Variants in ASAH2 observed in about 807,000 individuals in gnomAD.
The protein encoded by ASAH2 is N-acylsphingosine amidohydrolase 2.
A neutral mutation model predicts 82.9 loss-of-function variants in ASAH2; 58 were observed. The observed-to-expected ratio is 0.70, with a 90% CI of 0.57 to 0.87. ASAH2 has a LOEUF of 0.87. Ranked by LOEUF, ASAH2 falls within the 40% of genes least tolerant of loss-of-function variation. The pLI, the probability that ASAH2 is intolerant of heterozygous loss-of-function variation, is 0.00. For synonymous variants in ASAH2, 276 were observed against 289.7 expected (o/e 0.95, Z 0.48); for missense variants, 779 against 834.0 (o/e 0.93, Z 0.81).
chr10:50,202,823 C>A lies in ASAH2; in HGVS notation c.1761+6G>T. 6.3e-7 allele frequency: 1 copy of A among 1,584,914 alleles called. No individual in the cohort carries two copies. Among genetic ancestry groups the A allele is most frequent in the Admixed American group, 1.7e-5 (1 of 59,818 alleles). On this transcript the variant is annotated splice_donor_region_variant and intron_variant, in intron 16 of 20. Transcript: ENST00000682911. ...TCATTTAAATGATGAAAACGTTTTGCTTTACCTGGTATTCTTCATAAGTGG... is the reference window on the plus strand; with the variant it reads ...TCATTTAAATGATGAAAACGTTTTGATTTACCTGGTATTCTTCATAAGTGG...
rs1171385681 is a variant in ASAH2 at position 50,187,118 on chromosome 10, TCACACACACACACACACA to T, written c.*179_*196del. On this transcript the variant is annotated 3_prime_UTR_variant, in exon 21 of 21. Transcript: ENST00000682911. Reference sequence around the variant, plus strand: ...CTCTCTCTCTCTCTCTCTCTCTCTCTCACACACACACACACACACACACACACACACACACACACACAC... The same window carrying T: ...CTCTCTCTCTCTCTCTCTCTCTCTCTCACACACACACACACACACACACAC... The T allele has an allele frequency of 2.8e-4, 44 of 157,412 alleles. No homozygotes were observed. Among genetic ancestry groups the T allele is most frequent in the East Asian group, 1.0e-3 (6 of 6,020 alleles). The allele number at this position is 157,412 out of a possible 1,614,324, so 9.8% of individuals were successfully genotyped here.
chr10:50,243,664 C>G (rs1431840126), intron 3 of ASAH2, among the ~76,000 whole-genome samples: 1 of 152,196 alleles, frequency 6.6e-6, no homozygotes, highest in Non-Finnish European at 1.5e-5. Flanking sequence ...AATTCTGTTA[C>G]TAACACTAAC....
intron 4 of ASAH2, 27 bp downstream of exon 4, chr10:50,243,175 A>C (rs1240577009): frequency 6.2e-7 from 1 of 1,610,922 alleles, no homozygotes; most frequent in Non-Finnish European, 8.5e-7. Flanking sequence ...TCATTTCTTC[A>C]TTCATTTCTC....
intron 7 of ASAH2, among the ~76,000 whole-genome samples, chr10:50,221,159 T>C (rs1845735063): frequency 6.6e-6 from 1 of 152,202 alleles, no homozygotes; most frequent in Non-Finnish European, 1.5e-5. Flanking sequence ...GCAAGGTGTT[T>C]ACATTTAGGA....
chr10:50,209,892 T>C (rs1315374008), intron 12 of ASAH2, among the ~76,000 whole-genome samples: 2 of 152,042 alleles, frequency 1.3e-5, no homozygotes, highest in Admixed American at 1.3e-4. Context: ...TAATAACAAG[T>C]ATTGGCAAAT....
At chr10:50,208,974 TCATC>T (rs1451496358) in intron 12 of ASAH2, among the ~76,000 whole-genome samples, 1 of 152,174 alleles carries the variant, frequency 6.6e-6, no homozygotes, top group Admixed American at 6.6e-5. Context: ...ATAGAATTGA[TCATC>T]CAGACATAAA....
intron 20 of ASAH2, among the ~76,000 whole-genome samples, chr10:50,187,895 G>GTATA (rs1316750665): frequency 5.3e-5 from 1 of 18,708 alleles, no homozygotes; most frequent in African/African-American, 6.1e-5. Context: ...ATGTGTGTGT[G>GTATA]TATATATATA....
chr10:50,220,587 AC>A (rs1392303437), intron 7 of ASAH2, among the ~76,000 whole-genome samples: 8 of 152,086 alleles, frequency 5.3e-5, no homozygotes, highest in Non-Finnish European at 1.0e-4. Flanking sequence ...AATAATGAGA[AC>A]ACATGGACCA....
At position 50,212,972 on chromosome 10, in the gene ASAH2, C is replaced by T; in HGVS notation, c.1227G>A (p.Lys409=). The T allele has an allele frequency of 3.7e-6, 6 of 1,613,438 alleles. No individual in the cohort carries two copies. Among genetic ancestry groups the T allele is most frequent in the Non-Finnish European group, 4.2e-6 (5 of 1,179,456 alleles). The change falls in exon 10 of 21, where the codon AAG becomes AAA. Residue 409 remains lysine, a splice_region_variant and synonymous_variant. Coordinates refer to ENST00000682911, the MANE Select transcript of ASAH2 (RefSeq NM_019893.4). ...IIGRAMYQRA[K]ELYASASQEV... is the part of the protein sequence containing the mutation. ...TAAAGGAGCGAGGCCCATGGCTTAC[C>T]TTTGCTCTCTGATACATGGCCCGTC...
chr10:50,199,228 G>C (rs1186304481), intron 16 of ASAH2, 82 bp from the exon 17 acceptor site: 776 of 1,352,876 alleles, frequency 5.7e-4, no homozygotes, highest in Non-Finnish European at 7.9e-4. Context: ...GGGTAAGTGT[G>C]ATGCTTGACA....
intron 7 of ASAH2, among the ~76,000 whole-genome samples, chr10:50,219,207 T>C (rs1421443597): frequency 6.6e-6 from 1 of 152,164 alleles, no homozygotes; most frequent in Non-Finnish European, 1.5e-5. Context: ...TGCACAGAGG[T>C]GTAAAAGAGG....
intron 7 of ASAH2, among the ~76,000 whole-genome samples, chr10:50,232,373 A>G (rs909788898): frequency 6.6e-6 from 1 of 152,106 alleles, no homozygotes; most frequent in Non-Finnish European, 1.5e-5. Flanking sequence ...GAACTTGTCT[A>G]AAGTCACATT....
rs11443368 is a variant in ASAH2, at chr10:50,244,848, T to TC, written c.360+373dup. On this transcript the variant is annotated intron_variant, in intron 3 of 20. Transcript: ENST00000682911. Reference sequence around the variant, plus strand: ...ATGTACTTTATTTGTGCTTTTTTTTTCCTCAAAGTTCCCACCATTTCCTAC... The same window carrying TC: ...ATGTACTTTATTTGTGCTTTTTTTTTCCCTCAAAGTTCCCACCATTTCCTAC... Among the ~76,000 whole-genome samples, 8 of 152,134 alleles carry TC rather than the reference T, an allele frequency of 5.3e-5. No homozygotes were observed. In the East Asian group the frequency reaches 7.7e-4, roughly 15 times the overall value.
Position 50,204,867 on chromosome 10 carries a change from T to C in ASAH2, c.1619A>G (p.Glu540Gly). Reference protein sequence around the residue: ...GSLAITAIPGEFTTMSGRRLR... With the variant: ...GSLAITAIPGGFTTMSGRRLR... ...AATAAAAAGAAAAACTTACGTAAACTCCCCGGGGATGGCAGTTATGGCCAA... is the reference window on the plus strand; with the variant it reads ...AATAAAAAGAAAAACTTACGTAAACCCCCCGGGGATGGCAGTTATGGCCAA... The change falls in exon 14 of 21, where the codon GAG (glutamate) becomes GGG (glycine). Residue 540 changes from glutamate (E) to glycine (G), a missense_variant. Physicochemically the swap from Glu to Gly is moderately conservative, Grantham distance 98 (BLOSUM62 -2). Coordinates refer to ENST00000682911, the MANE Select transcript of ASAH2 (RefSeq NM_019893.4). 6.2e-7 allele frequency: 1 copy of C among 1,606,878 alleles called. No individual in the cohort carries two copies.
chr10:50,208,820 T>A (rs1845379144), intron 12 of ASAH2, among the ~76,000 whole-genome samples: 1 of 152,118 alleles, frequency 6.6e-6, no homozygotes, highest in Admixed American at 6.5e-5. Flanking sequence ...ATTCTAAAAT[T>A]CCTGTGGAAT....
intron 16 of ASAH2, 37 bp from the exon 17 acceptor site, chr10:50,199,183 C>T: frequency 6.2e-7 from 1 of 1,608,138 alleles, no homozygotes; most frequent in Non-Finnish European, 8.5e-7. Flanking sequence ...TATGGTTCTG[C>T]TTATTTAAAT....
intron 13 of ASAH2, among the ~76,000 whole-genome samples, chr10:50,205,482 C>T (rs1327463047): frequency 6.6e-6 from 1 of 151,920 alleles, no homozygotes; most frequent in Non-Finnish European, 1.5e-5. Flanking sequence ...ATGCTTCTAA[C>T]TCAACAATCC....
chr10:50,229,238 C>A (rs1286085597), intron 7 of ASAH2, among the ~76,000 whole-genome samples: 2 of 152,036 alleles, frequency 1.3e-5, no homozygotes, highest in Admixed American at 1.3e-4. Flanking sequence ...TACAGAGTCT[C>A]CCAAAGTGAA....
At chr10:50,193,347 G>A (rs1423170342) in intron 18 of ASAH2, among the ~76,000 whole-genome samples, 21 of 151,586 alleles carry the variant, frequency 1.4e-4, no homozygotes, top group African/African-American at 4.3e-4. Context: ...CTAAGTTGAG[G>A]ATATGGAGCT....
Sources: allele counts gnomAD v4.1 joint callset (sites outside exome capture counted in the v4.1 genomes callset), GRCh38; gene constraint gnomAD v4.1.1; transcripts MANE v1.5; gene names NCBI Gene and HGNC (gene_info 2026-07-23, HGNC 2026-07-21).